ZFP91: variants seen among roughly 807,000 people sequenced by gnomAD.
ZFP91 encodes E3 ubiquitin-protein ligase ZFP91.
A neutral mutation model predicts 63.5 loss-of-function variants in ZFP91; 7 were observed. The observed-to-expected ratio is 0.11, with a 90% CI of 0.06 to 0.21. ZFP91 has a LOEUF of 0.21. Ranked by LOEUF, ZFP91 falls within the 10% of genes least tolerant of loss-of-function variation. The pLI is 1.00. For missense variants in ZFP91, 628 were observed against 736.6 expected (o/e 0.85, Z 1.71); for synonymous variants, 330 against 272.1 (o/e 1.21, Z -2.10).
Position 58,620,557 on chromosome 11 carries a change from A to G in ZFP91, c.*2851A>G, listed in dbSNP as rs1855832283. ...ACTGAGACTCCTTGATATGCTTCAG[A>G]GAATTTAGGCAAACACTGGCCATGG... On this transcript the variant is annotated 3_prime_UTR_variant, in exon 11 of 11. Coordinates refer to ENST00000316059, the MANE Select transcript of ZFP91 (RefSeq NM_053023.5). The G allele has an allele frequency of 6.6e-6, 1 of 152,646 alleles. No homozygotes were observed. The highest frequency in any genetic ancestry group is 2.1e-4 in the South Asian group (1 of 4,834). 9.5% of individuals were successfully genotyped at this position (152,646 alleles called of 1,614,324 possible).
chr11:58,612,685 C>G, intron 7 of ZFP91, 77 bp from the exon 8 acceptor site: 1 of 1,089,992 alleles, frequency 9.2e-7, no homozygotes, highest in Non-Finnish European at 1.4e-6. Flanking sequence ...CCCAATAGCA[C>G]AGTTTAAGTC....
intron 2 of ZFP91, among the ~76,000 whole-genome samples, chr11:58,606,941 GT>G (rs544319986): frequency 6.6e-6 from 1 of 150,944 alleles, no homozygotes; most frequent in East Asian, 1.9e-4. Flanking sequence ...TGACAGAGTG[GT>G]TTTTTTTTAA....
chr11:58,617,693 C>G lies in ZFP91; in HGVS notation c.1700C>G (p.Ser567Cys). ...TTEVLIEDSD[S>C]AGP The stretch of plus-strand genomic sequence containing the variant: ...GAGGTTCTGATTGAAGATTCAGACT[C>G]TGCCGGACCTTAGTGGACAGGAAGA... The change falls in exon 11 of 11, where the codon TCT becomes TGT. Residue 567 changes from serine (S) to cysteine (C), a missense_variant. Around this residue, in one of 3 missense-constraint regions of ZFP91, gnomAD observed 115 missense variants for 125.4 expected, o/e 0.92. Transcript: ENST00000316059. This position sits in a 1 kb window ranked among gnomAD's most constrained non-coding sequence, Gnocchi z 4.2. 1 of 1,505,908 alleles carries G rather than the reference C, an allele frequency of 6.6e-7. No individual in the cohort carries two copies. Among genetic ancestry groups the G allele is most frequent in the East Asian group, 2.3e-5 (1 of 43,054 alleles). The allele number at this position is 1,505,908 out of a possible 1,614,324, so 93.3% of individuals were successfully genotyped here. A position where few individuals can be genotyped will look rare whatever the true frequency, so the allele number is the denominator to read the frequency against.
intron 2 of ZFP91, among the ~76,000 whole-genome samples, chr11:58,598,660 CCTAT>C (rs769945651): frequency 5.9e-5 from 9 of 151,490 alleles, no homozygotes; most frequent in Non-Finnish European, 1.3e-4. Context: ...TGGCTTGTTT[CCTAT>C]CTGTTTATGA....
intron 3 of ZFP91, 92 bp downstream of exon 3, chr11:58,610,131 CA>C: frequency 6.7e-7 from 1 of 1,499,140 alleles, no homozygotes. Context: ...GCTTAACTGT[CA>C]GGGGCAGGTT....
At chr11:58,584,353 T>A (rs1463139910) in intron 1 of ZFP91, among the ~76,000 whole-genome samples, 1 of 152,106 alleles carries the variant, frequency 6.6e-6, no homozygotes, top group Admixed American at 6.5e-5. Context: ...CCAGTATTGA[T>A]CACCTAGCTG....
At chr11:58,601,332 A>G (rs1855487280) in intron 2 of ZFP91, among the ~76,000 whole-genome samples, 1 of 152,074 alleles carries the variant, frequency 6.6e-6, no homozygotes, top group Non-Finnish European at 1.5e-5. Context: ...GTTTTTGGTA[A>G]TTTGTGTGTG....
Position 58,614,347 on chromosome 11 carries a change from C to T in ZFP91, c.1102+4C>T. ...CGACATGCCAAACATCATACAGGTACTTTTAAAATGTGTTTATCAAGTAGG... is the reference window on the plus strand; with the variant it reads ...CGACATGCCAAACATCATACAGGTATTTTTAAAATGTGTTTATCAAGTAGG... On this transcript the variant is annotated splice_donor_region_variant and intron_variant, in intron 9 of 10. Coordinates refer to ENST00000316059, the MANE Select transcript of ZFP91 (RefSeq NM_053023.5). 7 of 1,599,826 alleles carry T rather than the reference C, an allele frequency of 4.4e-6. No homozygotes were observed. The highest frequency in any genetic ancestry group is 5.1e-6 in the Non-Finnish European group (6 of 1,170,832).
rs1177542343 is a variant in ZFP91 at position 58,621,051 on chromosome 11, T to TA, written c.*3345_*3346insA. The TA allele has an allele frequency of 6.5e-6, 1 of 152,690 alleles. No individual in the cohort carries two copies. Among genetic ancestry groups the TA allele is most frequent in the Non-Finnish European group, 1.5e-5 (1 of 68,050 alleles). The allele number at this position is 152,690 out of a possible 1,614,324, so 9.5% of individuals were successfully genotyped here. A position where few individuals can be genotyped will look rare whatever the true frequency, so the allele number is the denominator to read the frequency against. On this transcript the variant is annotated 3_prime_UTR_variant, in exon 11 of 11. Transcript: ENST00000316059. Reference sequence around the variant, plus strand: ...AAGTTGTCTTCATGGAAGCAACTTGTCTTCCTTGGTTGTACTGAGTTACAG... The same window carrying TA: ...AAGTTGTCTTCATGGAAGCAACTTGTACTTCCTTGGTTGTACTGAGTTACAG...
intron 2 of ZFP91, among the ~76,000 whole-genome samples, chr11:58,607,608 A>G (rs1252324782): frequency 6.6e-6 from 1 of 152,144 alleles, no homozygotes; most frequent in African/African-American, 2.4e-5. Flanking sequence ...TGTGTTTCAA[A>G]CTAATTTCAT....
At chr11:58,580,161 A>G (rs537736017) in intron 1 of ZFP91, among the ~76,000 whole-genome samples, 1 of 146,262 alleles carries the variant, frequency 6.8e-6, no homozygotes, top group South Asian at 2.1e-4. Context: ...TTTGCCACTT[A>G]TTATGGTCAG....
intron 2 of ZFP91, among the ~76,000 whole-genome samples, chr11:58,593,380 TCTTTC>T (rs1423066550): frequency 6.6e-6 from 1 of 152,210 alleles, no homozygotes; most frequent in African/African-American, 2.4e-5. Flanking sequence ...TTTTCTCTGC[TCTTTC>T]CTTTTCTTAA....
intron 6 of ZFP91, 127 bp downstream of exon 6, chr11:58,611,865 A>T: frequency 1.6e-6 from 2 of 1,279,690 alleles, no homozygotes; most frequent in South Asian, 2.1e-5. Context: ...TAACTTAAAA[A>T]AATTTGGCCT....
Position 58,609,991 on chromosome 11 carries a change from T to C in ZFP91, c.532T>C (p.Leu178=). 6.2e-7 allele frequency: 1 copy of C among 1,614,204 alleles called. No individual in the cohort carries two copies. Among genetic ancestry groups the C allele is most frequent in the South Asian group, 1.1e-5 (1 of 91,088 alleles). ...AAGCTCTCGGTCCAAGACCGGTTCA[T>C]TGCAGCTCATTTGCAAGTCAGAACC... The part of the protein sequence containing the change: ...TRSSRSKTGS[L]QLICKSEPNT... The change falls in exon 3 of 11, where the codon TTG becomes CTG. Residue 178 remains leucine, a synonymous_variant. Transcript: ENST00000316059.
At chr11:58,590,641 T>G (rs1459293143) in intron 2 of ZFP91, among the ~76,000 whole-genome samples, 1 of 152,230 alleles carries the variant, frequency 6.6e-6, no homozygotes, top group Admixed American at 6.5e-5. Flanking sequence ...TCCATTTACT[T>G]AGGTTTTTAA....
intron 9 of ZFP91, 136 bp downstream of exon 9, chr11:58,614,479 A>G (rs1855718073): frequency 3.2e-6 from 2 of 625,770 alleles, no homozygotes; most frequent in Non-Finnish European, 2.5e-6. Flanking sequence ...TGAAAATAAA[A>G]TGTAGTAAGA....
chr11:58,594,547 A>G (rs185646837), intron 2 of ZFP91, among the ~76,000 whole-genome samples: 12 of 152,298 alleles, frequency 7.9e-5, no homozygotes, highest in Admixed American at 7.2e-4. Flanking sequence ...TTACTTTGTG[A>G]TTCTATTTTT....
chr11:58,589,840 T>C (rs1855274764), intron 2 of ZFP91, among the ~76,000 whole-genome samples: 1 of 152,228 alleles, frequency 6.6e-6, no homozygotes, highest in African/African-American at 2.4e-5. Context: ...CAAATAAAGA[T>C]ATATGTCACT....
chr11:58,579,203 G>A lies in ZFP91; in HGVS notation c.-79G>A. 1 of 1,217,560 alleles carries A rather than the reference G, an allele frequency of 8.2e-7. No individual in the cohort carries two copies. The highest frequency in any genetic ancestry group is 1.6e-5 in the African/African-American group (1 of 61,594). The allele number at this position is 1,217,560 out of a possible 1,614,324, so 75.4% of individuals were successfully genotyped here. A position where few individuals can be genotyped will look rare whatever the true frequency, so the allele number is the denominator to read the frequency against. ...GAGCCGCAGGCTTCGGGAGGCGAGG[G>A]GGCGGGGGGAGCAGCGCCGAGGCCG... On this transcript the variant is annotated 5_prime_UTR_variant, in exon 1 of 11. Coordinates refer to ENST00000316059, the MANE Select transcript of ZFP91 (RefSeq NM_053023.5).
Sources: allele counts gnomAD v4.1 joint callset (sites outside exome capture counted in the v4.1 genomes callset), GRCh38; gene constraint gnomAD v4.1.1; regional missense constraint gnomAD v4.1.1; non-coding constraint Gnocchi (gnomAD v3.1); transcripts MANE v1.5; gene names NCBI Gene and HGNC (gene_info 2026-07-23, HGNC 2026-07-21).